ZNF410: variants seen among roughly 807,000 people sequenced by gnomAD.
ZNF410 encodes another partner for ARF 1.
ZNF410 carries 18 observed loss-of-function variants against 54.8 expected under a neutral mutation model. The observed-to-expected ratio is 0.33, with a 90% CI of 0.23 to 0.49. The LOEUF (loss-of-function observed/expected upper bound fraction) is 0.49. Ranked by LOEUF, ZNF410 falls within the 20% of genes least tolerant of loss-of-function variation. The pLI, the probability that ZNF410 is intolerant of heterozygous loss-of-function variation, is 0.99. For synonymous variants in ZNF410, 191 were observed against 207.3 expected (o/e 0.92, Z 0.68); for missense variants, 405 against 569.6 (o/e 0.71, Z 2.94).
chr14:73,905,799 C>T (rs2055472536), intron 7 of ZNF410, among the ~76,000 whole-genome samples: 2 of 140,666 alleles, frequency 1.4e-5, no homozygotes, highest in Admixed American at 7.2e-5. Flanking sequence ...GGCAAAATGA[C>T]AGCAGGTAAA....
intron 2 of ZNF410, 100 bp from the exon 3 acceptor site, chr14:73,893,697 A>C: frequency 7.6e-7 from 1 of 1,324,404 alleles, no homozygotes; most frequent in South Asian, 1.9e-5. Context: ...AATATGGATG[A>C]GACTAGTGAA....
chr14:73,931,405 G>A (rs2055912778), intron 11 of ZNF410, 98 bp from the exon 12 acceptor site: 3 of 1,035,818 alleles, frequency 2.9e-6, no homozygotes, highest in South Asian at 1.4e-5. Context: ...CCCCTGTAGT[G>A]CATTCTCCAT....
intron 5 of ZNF410, 136 bp downstream of exon 5, chr14:73,898,398 A>G (rs896414595): frequency 1.8e-5 from 18 of 1,003,536 alleles, no homozygotes; most frequent in Middle Eastern, 2.9e-4. Context: ...TAAATTGTTT[A>G]AATTTTATTT....
At chr14:73,889,449 A>G (rs1317039246) in intron 1 of ZNF410, among the ~76,000 whole-genome samples, 6 of 148,606 alleles carry the variant, frequency 4.0e-5, no homozygotes, top group South Asian at 2.1e-4. Context: ...AAAAAAAAAA[A>G]AAAAGAAATA....
intron 8 of ZNF410, 186 bp downstream of exon 8, chr14:73,909,616 G>GA: frequency 4.3e-6 from 2 of 461,764 alleles, no homozygotes; most frequent in East Asian, 3.4e-5. Context: ...TTGGGGGGGG[G>GA]ACATCTAATT....
chr14:73,888,530 T>A (rs72627117), intron 1 of ZNF410, among the ~76,000 whole-genome samples: 1 of 152,084 alleles, frequency 6.6e-6, no homozygotes, highest in East Asian at 1.9e-4. Flanking sequence ...TGATGAAATA[T>A]TGTAAAATTG....
chr14:73,901,390 A>G (rs577497257), intron 5 of ZNF410, among the ~76,000 whole-genome samples: 1 of 151,508 alleles, frequency 6.6e-6, no homozygotes, highest in East Asian at 1.9e-4. Context: ...GGCCAACATG[A>G]TAGAACTCAA....
At chr14:73,924,916 A>T in intron 11 of ZNF410, 1 of 302,602 alleles carries the variant, frequency 3.3e-6, no homozygotes, top group Non-Finnish European at 6.4e-6. Flanking sequence ...TGACCTCGTG[A>T]TCTGCCCACC....
At chr14:73,895,841 C>T (rs750505730) in intron 3 of ZNF410, among the ~76,000 whole-genome samples, 19 of 152,074 alleles carry the variant, frequency 1.2e-4, no homozygotes, top group Non-Finnish European at 1.6e-4. Flanking sequence ...AAAAAATAAC[C>T]GCAGCCTGAG....
At chr14:73,927,816 A>C (rs934876049) in intron 11 of ZNF410, 1 of 152,810 alleles carries the variant, frequency 6.5e-6, no homozygotes, top group South Asian at 1.7e-4. Context: ...AGAAGTGACC[A>C]ATTAATCAAC....
chr14:73,907,894 G>GA (rs113294277), intron 7 of ZNF410, among the ~76,000 whole-genome samples: 2,447 of 135,676 alleles, frequency 0.018, 23 homozygotes, highest in Middle Eastern at 0.065. Flanking sequence ...ACTCTGTCTT[G>GA]AAAAAAAAAA....
chr14:73,912,502 C>A (rs1302467570), intron 8 of ZNF410, among the ~76,000 whole-genome samples: 2 of 152,118 alleles, frequency 1.3e-5, no homozygotes, highest in Non-Finnish European at 2.9e-5. Flanking sequence ...CTAAATGATA[C>A]CTGAATCTCT....
At chr14:73,915,377 G>A (rs1353355753) in intron 8 of ZNF410, among the ~76,000 whole-genome samples, 3 of 149,770 alleles carry the variant, frequency 2.0e-5, no homozygotes, top group East Asian at 4.0e-4. Context: ...TTACTCTGTT[G>A]CCCAGGCTGG....
intron 7 of ZNF410, among the ~76,000 whole-genome samples, chr14:73,905,944 T>TACACACAC (rs869151597): frequency 5.2e-5 from 4 of 76,470 alleles, no homozygotes; most frequent in African/African-American, 2.3e-4. Context: ...TACATATATA[T>TACACACAC]ACACACACAC....
chr14:73,905,994 T>TATATATATATATATAC (rs1293177402), intron 7 of ZNF410, among the ~76,000 whole-genome samples: 1 of 136,588 alleles, frequency 7.3e-6, no homozygotes, highest in African/African-American at 2.9e-5. Flanking sequence ...TATATATATA[T>TATATATATATATATAC]ACACACATAC....
chr14:73,895,699 T>A (rs1473427525), intron 3 of ZNF410, among the ~76,000 whole-genome samples: 1 of 152,210 alleles, frequency 6.6e-6, no homozygotes, highest in African/African-American at 2.4e-5. Flanking sequence ...GCGTGGTGGC[T>A]CATGCCTATA....
In ZNF410 at chr14:73,926,011, G is replaced by A. The variant is rs533801431; in HGVS notation, c.1398+2489G>A. On this transcript the variant is annotated intron_variant, in intron 11 of 11. Transcript: ENST00000555044. ...ACTGTGCCACTGTACTCCAGCCTGG[G>A]TGACAGAGTGAGACCCTGTCTCAAA... Among the ~76,000 whole-genome samples the A allele has an allele frequency of 3.3e-5, 5 of 152,290 alleles. No homozygotes were observed. The East Asian group carries it at 9.6e-4, about 29-fold the overall frequency.
chr14:73,922,363 A>T lies in ZNF410; in HGVS notation c.1270+157A>T, dbSNP rs970063529. 5 of 742,354 alleles carry T rather than the reference A, an allele frequency of 6.7e-6. No homozygotes were observed. In the South Asian group the frequency reaches 3.1e-4, roughly 45 times the overall value. 46.0% of individuals were successfully genotyped at this position (742,354 alleles called of 1,614,324 possible). ...CTTATTCTCTGGGGTGGATTAGTCAATCTGTTTAAAAAAAAATTTTTTTTC... is the reference window on the plus strand; with the variant it reads ...CTTATTCTCTGGGGTGGATTAGTCATTCTGTTTAAAAAAAAATTTTTTTTC... On this transcript the variant is annotated intron_variant, in intron 10 of 11. Transcript: ENST00000555044.
In ZNF410 at chr14:73,923,483, A is replaced by G. The variant is rs377086710; in HGVS notation, c.1359A>G (p.Ser453=). 2.0e-5 allele frequency: 32 copies of G among 1,613,818 alleles called. No homozygotes were observed. Among genetic ancestry groups the G allele is most frequent in the African/African-American group, 5.3e-5 (4 of 74,938 alleles). The stretch of plus-strand genomic sequence containing the variant: ...TGACCATGCAGTCAGGGAGGCAATC[A>G]TATGAAGTTTCTGTCTTAACTGCAG... ...HLVTMQSGRQ[S]YEVSVLTAVN... Residue 453 remains serine (S), a synonymous_variant, in exon 11 of 12, where the codon TCA becomes TCG. Coordinates refer to ENST00000555044, the MANE Select transcript of ZNF410 (RefSeq NM_021188.3).
Sources: gnomAD v4.1 joint callset for allele counts (sites outside exome capture counted in the v4.1 genomes callset) on GRCh38, gnomAD v4.1.1 for gene constraint, MANE v1.5 for transcripts, NCBI Gene and HGNC (gene_info 2026-07-23, HGNC 2026-07-21) for gene names.